PSME3: variants seen among roughly 807,000 people sequenced by gnomAD.
PSME3 encodes proteasome activator subunit 3.
Under a neutral mutation model 38.3 loss-of-function variants are expected in PSME3, and 7 were observed. That is an observed-to-expected ratio of 0.18 (90% CI 0.10 to 0.34). The LOEUF (loss-of-function observed/expected upper bound fraction) is 0.34. PSME3 is among the 10% of genes least tolerant of loss of function. The pLI is 1.00. For synonymous variants in PSME3, 108 were observed against 105.7 expected, an observed-to-expected ratio of 1.02 and a Z score of -0.13; for missense variants, 192 against 307.6, an observed-to-expected ratio of 0.62 and a Z score of 2.81.
Position 42,833,483 on chromosome 17 carries a change from C to G in PSME3, c.-149C>G. The G allele has an allele frequency of 1.1e-6, 1 of 944,852 alleles. No individual in the cohort carries two copies. Among genetic ancestry groups the G allele is most frequent in the East Asian group, 2.6e-5 (1 of 37,784 alleles). 58.5% of individuals were successfully genotyped at this position (944,852 alleles called of 1,614,324 possible). A position where few individuals can be genotyped will look rare whatever the true frequency, so the allele number is the denominator to read the frequency against. ...GCTGCCGGCGGGCGGGCGGACGGCA[C>G]AGAGGGAGGGAGCGAGCGAGCAGTG... On this transcript the variant is annotated 5_prime_UTR_variant, in exon 1 of 11. Transcript: ENST00000590720.
At chr17:42,840,481 C>G (rs1031158775) in intron 10 of PSME3, among the ~76,000 whole-genome samples, 2 of 143,096 alleles carry the variant, frequency 1.4e-5, no homozygotes, top group Non-Finnish European at 3.1e-5. Flanking sequence ...GTTGGCGGAC[C>G]CCTGTAATCC....
At chr17:42,837,088 G>A (rs2055472841) in intron 4 of PSME3, among the ~76,000 whole-genome samples, 1 of 151,966 alleles carries the variant, frequency 6.6e-6, no homozygotes, top group Admixed American at 6.6e-5. Flanking sequence ...GTCTTGCTCT[G>A]TTGCCCAGGC....
chr17:42,837,318 G>A (rs982628176), intron 4 of PSME3, among the ~76,000 whole-genome samples: 5 of 152,040 alleles, frequency 3.3e-5, no homozygotes, highest in African/African-American at 1.2e-4. Flanking sequence ...TAAAGTGCTG[G>A]GATTACAGGC....
Position 42,838,211 on chromosome 17 carries a change from G to A in PSME3, c.405+6G>A, listed in dbSNP as rs968819455. 6.2e-7 allele frequency: 1 copy of A among 1,613,536 alleles called. No homozygotes were observed. The highest frequency in any genetic ancestry group is 8.5e-7 in the Non-Finnish European group (1 of 1,179,998). On this transcript the variant is annotated splice_donor_region_variant and intron_variant, in intron 6 of 10. Coordinates refer to ENST00000590720, the MANE Select transcript of PSME3 (RefSeq NM_005789.4). The stretch of plus-strand genomic sequence containing the variant: ...TGATTGAGAAATGTAACACGGTGAG[G>A]CACAGGCTGGTGACCTATGGGCCGG...
chr17:42,839,496 A>G, intron 10 of PSME3, 116 bp downstream of exon 10: 1 of 784,494 alleles, frequency 1.3e-6, no homozygotes, highest in Non-Finnish European at 2.1e-6. Context: ...TGAATAGACC[A>G]AATTCTATTC....
At chr17:42,835,976 G>C (rs1228656757) in intron 4 of PSME3, among the ~76,000 whole-genome samples, 1 of 148,266 alleles carries the variant, frequency 6.7e-6, no homozygotes, top group Non-Finnish European at 1.5e-5. Context: ...TGTTGAACTT[G>C]TACATCTGGA....
At chr17:42,834,091 C>T in intron 1 of PSME3, 2 of 1,446,638 alleles carry the variant, frequency 1.4e-6, no homozygotes, top group Non-Finnish European at 1.8e-6. Flanking sequence ...TTATCAAATT[C>T]AGACAGCTTC....
intron 4 of PSME3, among the ~76,000 whole-genome samples, chr17:42,836,856 C>T (rs563007720): frequency 6.6e-6 from 1 of 151,418 alleles, no homozygotes; most frequent in Non-Finnish European, 1.5e-5. Flanking sequence ...GCCATGGCGC[C>T]CAGCCCAAGA....
In PSME3 at chr17:42,833,444, C is replaced by G; in HGVS notation, c.-188C>G. 1.5e-6 allele frequency: 1 copy of G among 653,558 alleles called. No homozygotes were observed. The allele number at this position is 653,558 out of a possible 1,614,324, so 40.5% of individuals were successfully genotyped here. A position where few individuals can be genotyped will look rare whatever the true frequency, so the allele number is the denominator to read the frequency against. On this transcript the variant is annotated 5_prime_UTR_variant, in exon 1 of 11. Coordinates refer to ENST00000590720, the MANE Select transcript of PSME3 (RefSeq NM_005789.4). ...AAAGCCGGGAGGGCGAGCGAGAGAG[C>G]AAGCAGGCAGCAGGCTGCCGGCGGG...
At chr17:42,837,866 T>C in intron 5 of PSME3, 169 bp downstream of exon 5, 2 of 902,712 alleles carry the variant, frequency 2.2e-6, no homozygotes, top group South Asian at 1.6e-5. Context: ...GCTCTAAACC[T>C]GGTTTTCCAA....
intron 10 of PSME3, among the ~76,000 whole-genome samples, chr17:42,839,726 G>A (rs1446769384): frequency 2.6e-5 from 4 of 152,234 alleles, no homozygotes. Flanking sequence ...GCTGGGCGCA[G>A]TGGCTAATGC....
At chr17:42,836,707 A>G (rs2055468026) in intron 4 of PSME3, among the ~76,000 whole-genome samples, 1 of 151,158 alleles carries the variant, frequency 6.6e-6, no homozygotes, top group South Asian at 2.1e-4. Flanking sequence ...CTACAGGTAC[A>G]TGTGCCATCA....
At chr17:42,834,437 GGAGAGAGAGAGA>G (rs59492997) in intron 2 of PSME3, 61 bp downstream of exon 2, 178 of 1,536,690 alleles carry the variant, frequency 1.2e-4, no homozygotes, top group South Asian at 2.7e-4. Context: ...GGAGATACCT[GGAGAGAGAGAGA>G]GAGAGAGAGA....
Position 42,838,996 on chromosome 17 carries a change from C to A in PSME3, c.526C>A (p.Leu176Met). 1 of 1,614,136 alleles carries A rather than the reference C, an allele frequency of 6.2e-7. No homozygotes were observed. The highest frequency in any genetic ancestry group is 8.5e-7 in the Non-Finnish European group (1 of 1,180,030). The change falls in exon 8 of 11, where the codon CTG becomes ATG. Residue 176 changes from leucine (L) to methionine (M), a missense_variant. By Grantham distance (15) the Leu-to-Met change is conservative. This residue lies in a region of PSME3 where 82 missense variants were observed against 168.2 expected (regional missense o/e 0.49). Transcript: ENST00000590720. ...TGTTGAGAGTGAAGCTGCATCTTAT[C>A]TGGACCAGATTTCTAGGTAGGGCTG... is the stretch of plus-strand genomic sequence containing the variant. ...RTVESEAASYLDQISRYYITR... is the reference protein window; with the variant it reads ...RTVESEAASYMDQISRYYITR...
At chr17:42,834,437 G>GGAGAGAGAGAGAGAGAGAGAGA in intron 2 of PSME3, 61 bp downstream of exon 2, 1 of 1,535,602 alleles carries the variant, frequency 6.5e-7, no homozygotes, top group Non-Finnish European at 8.9e-7. Flanking sequence ...GGAGATACCT[G>GGAGAGAGAGAGAGAGAGAGAGA]GAGAGAGAGA....
chr17:42,834,961 G>A, intron 4 of PSME3, 85 bp downstream of exon 4: 1 of 1,560,674 alleles, frequency 6.4e-7, no homozygotes, highest in Admixed American at 2.0e-5. Flanking sequence ...TGTACAGAGG[G>A]AACAGTGGGA....
chr17:42,840,114 T>TAAA (rs565087528), intron 10 of PSME3, among the ~76,000 whole-genome samples: 1 of 128,950 alleles, frequency 7.8e-6, no homozygotes, highest in African/African-American at 2.8e-5. Context: ...CCATCTTTAC[T>TAAA]AAAAAAAAAA....
At chr17:42,835,262 C>T (rs1318683146) in intron 4 of PSME3, among the ~76,000 whole-genome samples, 3 of 152,112 alleles carry the variant, frequency 2.0e-5, no homozygotes, top group Non-Finnish European at 4.4e-5. Context: ...GTCTCAAACT[C>T]CTGAGCTCAA....
intron 4 of PSME3, among the ~76,000 whole-genome samples, chr17:42,836,033 TCTCA>T (rs1182920841): frequency 7.0e-6 from 1 of 143,482 alleles, no homozygotes; most frequent in Non-Finnish European, 1.5e-5. Context: ...TGAGACAGAG[TCTCA>T]CTCTGTTGCC....
Sources: allele counts gnomAD v4.1 joint callset (sites outside exome capture counted in the v4.1 genomes callset), GRCh38; gene constraint gnomAD v4.1.1; regional missense constraint gnomAD v4.1.1; transcripts MANE v1.5; gene names NCBI Gene and HGNC (gene_info 2026-07-23, HGNC 2026-07-21).